The following AGTPBP1 variants were observed in gnomAD, a reference collection of about 807,000 sequenced individuals.
The protein encoded by AGTPBP1 is ATP/GTP binding carboxypeptidase 1.
Under a neutral mutation model 143.9 loss-of-function variants are expected in AGTPBP1, and 70 were observed. The observed-to-expected ratio is 0.49, with a 90% CI of 0.40 to 0.59. AGTPBP1 has a LOEUF of 0.59. AGTPBP1 is among the 20% of genes least tolerant of loss of function. The pLI is 0.00. For missense variants in AGTPBP1, 1,229 were observed against 1,464.5 expected (o/e 0.84, Z 2.62); for synonymous variants, 463 against 500.2 (o/e 0.93, Z 0.99).
intron 13 of AGTPBP1, among the ~76,000 whole-genome samples, chr9:85,641,823 C>T (rs1006125198): frequency 6.6e-6 from 1 of 151,928 alleles, no homozygotes; most frequent in South Asian, 2.1e-4. Context: ...CCTCAGCCTC[C>T]GAGTAGCTGC....
At chr9:85,760,379 T>C in the AGTPBP1 span, among the ~76,000 whole-genome samples, 1 of 152,304 alleles carries the variant, frequency 6.6e-6, no homozygotes, top group East Asian at 1.9e-4. Context: ...AATAAAATAT[T>C]GGCAAACCAA....
intron 25 of AGTPBP1, among the ~76,000 whole-genome samples, chr9:85,565,740 C>A (rs73475723): frequency 0.049 from 7,424 of 152,198 alleles, 633 homozygotes; most frequent in African/African-American, 0.17. Context: ...CCAATGCTAC[C>A]TAATACTATC....
chr9:85,690,151 T>C (rs1835772176), intron 3 of AGTPBP1, among the ~76,000 whole-genome samples: 1 of 152,026 alleles, frequency 6.6e-6, no homozygotes, highest in Non-Finnish European at 1.5e-5. Flanking sequence ...AAGATATCTT[T>C]GTTGTTGTTT....
Position 85,633,086 on chromosome 9 carries a change from C to T in AGTPBP1, c.1591G>A (p.Val531Ile), listed in dbSNP as rs1831790675. The change falls in exon 14 of 26, where the codon GTA becomes ATA. Residue 531 changes from valine to isoleucine, a missense_variant. Transcript: ENST00000357081. ...SSVHGLNNDI[V>I]KALDRITLQN... is the part of the protein sequence containing the mutation. The stretch of plus-strand genomic sequence containing the variant: ...AATGTAATTCGGTCCAAGGCCTTTA[C>T]AATATCATTGTTTAAACCATGGACT... The T allele has an allele frequency of 6.2e-7, 1 of 1,614,176 alleles. No homozygotes were observed. The highest frequency in any genetic ancestry group is 1.3e-5 in the African/African-American group (1 of 75,048).
intron 10 of AGTPBP1, among the ~76,000 whole-genome samples, 176 bp from the exon 11 acceptor site, chr9:85,655,496 TGTAA>T (rs1234340708): frequency 1.3e-5 from 2 of 152,212 alleles, no homozygotes; most frequent in African/African-American, 2.4e-5. Context: ...ATTATCTATC[TGTAA>T]GTAAGAACCC....
At chr9:85,638,364 A>C (rs115272485) in intron 13 of AGTPBP1, among the ~76,000 whole-genome samples, 1 of 152,108 alleles carries the variant, frequency 6.6e-6, no homozygotes, top group African/African-American at 2.4e-5. Flanking sequence ...AAAATAAAAA[A>C]AAGACTGTAT....
chr9:85,789,447 C>T, the AGTPBP1 span, among the ~76,000 whole-genome samples: 1,272 of 151,938 alleles, frequency 8.4e-3, 20 homozygotes, highest in African/African-American at 0.029. Context: ...TTGTTCATTA[C>T]GTTCTTTTTT....
intron 1 of AGTPBP1, among the ~76,000 whole-genome samples, chr9:85,733,908 A>G (rs1839049503): frequency 6.6e-6 from 1 of 152,232 alleles, no homozygotes; most frequent in African/African-American, 2.4e-5. Context: ...ACAAAGGAAT[A>G]GAAAATCTAA....
intron 8 of AGTPBP1, among the ~76,000 whole-genome samples, chr9:85,666,479 A>G (rs1351967930): frequency 6.6e-6 from 1 of 152,160 alleles, no homozygotes; most frequent in African/African-American, 2.4e-5. Flanking sequence ...ATGATAAGAG[A>G]TCAAGATATA....
Position 85,726,592 on chromosome 9 carries a change from T to A in AGTPBP1, c.-33-14026A>T, listed in dbSNP as rs147242618. ...ACATAAAACAAGTCCCTCTTTACAA[T>A]GCAAATAAGTATCAATGGATGTATA... On this transcript the variant is annotated intron_variant, in intron 1 of 25. Coordinates refer to ENST00000357081, the MANE Select transcript of AGTPBP1 (RefSeq NM_001330701.2). Among the ~76,000 whole-genome samples the A allele has an allele frequency of 2.9e-4, 44 of 152,368 alleles. No individual in the cohort carries two copies. The East Asian group carries it at 6.0e-3, about 21-fold the overall frequency.
intron 10 of AGTPBP1, 59 bp from the exon 11 acceptor site, chr9:85,655,379 T>G: frequency 7.2e-7 from 1 of 1,379,470 alleles, no homozygotes; most frequent in East Asian, 2.6e-5. Context: ...TGAACCAATT[T>G]TACTTTAGTT....
chr9:85,550,983 C>CA (rs1826004194), intron 25 of AGTPBP1, among the ~76,000 whole-genome samples: 1 of 152,122 alleles, frequency 6.6e-6, no homozygotes, highest in African/African-American at 2.4e-5. Flanking sequence ...TCATGAATGG[C>CA]TTGGTGTCTC....
intron 6 of AGTPBP1, among the ~76,000 whole-genome samples, chr9:85,676,758 T>A (rs1834854397): frequency 6.6e-6 from 1 of 152,210 alleles, no homozygotes; most frequent in Non-Finnish European, 1.5e-5. Flanking sequence ...GCTGCACTAT[T>A]CACAAAAGCC....
chr9:85,605,865 A>C (rs1829959417), intron 17 of AGTPBP1, among the ~76,000 whole-genome samples: 1 of 152,058 alleles, frequency 6.6e-6, no homozygotes. Context: ...GTTATCTGCA[A>C]GCCTCACAGT....
intron 8 of AGTPBP1, among the ~76,000 whole-genome samples, chr9:85,668,315 C>A (rs1587860631): frequency 1.3e-5 from 2 of 151,908 alleles, no homozygotes; most frequent in Non-Finnish European, 1.5e-5. Context: ...TGGAGAAAAT[C>A]AAACAACAGA....
intron 18 of AGTPBP1, among the ~76,000 whole-genome samples, chr9:85,595,003 G>T (rs1043444430): frequency 6.6e-6 from 1 of 152,184 alleles, no homozygotes; most frequent in Non-Finnish European, 1.5e-5. Flanking sequence ...GACAAGTGAT[G>T]AAAGACTATT....
chr9:85,685,995 C>A (rs975466756), intron 3 of AGTPBP1, among the ~76,000 whole-genome samples: 5 of 151,696 alleles, frequency 3.3e-5, no homozygotes, highest in Non-Finnish European at 7.4e-5. Flanking sequence ...TAAATTAAAA[C>A]GAAATTCTAA....
At chr9:85,744,483 C>T (rs1237048470), upstream of AGTPBP1, among the ~76,000 whole-genome samples, 3 of 152,188 alleles carry the variant, frequency 2.0e-5, no homozygotes, top group Non-Finnish European at 1.5e-5. Flanking sequence ...GATCCAGGTT[C>T]TTGTCTCAAG....
chr9:85,606,089 A>C (rs1365473576), intron 17 of AGTPBP1, among the ~76,000 whole-genome samples: 1 of 152,034 alleles, frequency 6.6e-6, no homozygotes, highest in Non-Finnish European at 1.5e-5. Context: ...CAATAAAAGG[A>C]AACAATCAAC....
Sources: allele counts gnomAD v4.1 joint callset (sites outside exome capture counted in the v4.1 genomes callset), GRCh38; gene constraint gnomAD v4.1.1; transcripts MANE v1.5; gene names NCBI Gene and HGNC (gene_info 2026-07-23, HGNC 2026-07-21).